The following AKT3 variants were observed in gnomAD, a reference collection of about 807,000 sequenced individuals.
The protein encoded by AKT3 is RAC-gamma serine/threonine-protein kinase.
A neutral mutation model predicts 65.3 loss-of-function variants in AKT3; 15 were observed. The observed-to-expected ratio is 0.23, with a 90% confidence interval of 0.15 to 0.35. AKT3 has a LOEUF of 0.35. AKT3 is among the 10% of genes least tolerant of loss of function. The pLI, the probability that AKT3 is intolerant of heterozygous loss-of-function variation, is 1.00. For synonymous variants in AKT3, 206 were observed against 183.8 expected, an observed-to-expected ratio of 1.12 and a Z score of -0.98; for missense variants, 243 against 576.5, an observed-to-expected ratio of 0.42 and a Z score of 5.92.
At chr1:243,727,570 T>C (rs951858326) in intron 2 of AKT3, among the ~76,000 whole-genome samples, 1 of 152,156 alleles carries the variant, frequency 6.6e-6, no homozygotes, top group Admixed American at 6.5e-5. Context: ...TGTCAGCCAC[T>C]GCTCCCAGCC....
In AKT3 at chr1:243,578,566, A is replaced by G. The variant is rs577432820; in HGVS notation, c.697-5518T>C. On this transcript the variant is annotated intron_variant, in intron 8 of 13. Transcript: ENST00000673466. ...CAAGGGAGGGAGATCATCAGGAAAA[A>G]TGGCTAATGCATGCTGAGCTTAATA... is the stretch of plus-strand genomic sequence containing the variant. Among the ~76,000 whole-genome samples, 51 of 152,290 alleles carry G rather than the reference A, an allele frequency of 3.3e-4. 1 individual carries two copies. The highest frequency in any genetic ancestry group is 1.1e-3 in the African/African-American group (47 of 41,558).
intron 8 of AKT3, among the ~76,000 whole-genome samples, chr1:243,598,680 G>A (rs530170875): frequency 6.6e-6 from 1 of 152,236 alleles, no homozygotes; most frequent in South Asian, 2.1e-4. Context: ...CAGAGCACAG[G>A]AAGTTCCTTC....
intron 2 of AKT3, among the ~76,000 whole-genome samples, chr1:243,780,043 A>G (rs1032411878): frequency 3.9e-5 from 6 of 152,168 alleles, no homozygotes; most frequent in Non-Finnish European, 7.4e-5. Context: ...ACCATAAATC[A>G]TTAATAATGT....
Position 243,815,019 on chromosome 1 carries a change from G to A in AKT3, c.46+28106C>T, listed in dbSNP as rs573372344. Among the ~76,000 whole-genome samples, 25 of 152,262 alleles carry A rather than the reference G, an allele frequency of 1.6e-4. No homozygotes were observed. In the South Asian group the frequency reaches 5.0e-3, roughly 30 times the overall value. ...ACCTGGATATTTCTAAGGTCTTAAA[G>A]GACATTAAAGTCACATCTTCAGCTT... On this transcript the variant is annotated intron_variant, in intron 2 of 13. Coordinates refer to ENST00000673466, the MANE Select transcript of AKT3 (RefSeq NM_005465.7).
intron 2 of AKT3, among the ~76,000 whole-genome samples, chr1:243,764,116 TTAAAAA>T (rs1689663805): frequency 6.6e-6 from 1 of 152,088 alleles, no homozygotes; most frequent in Non-Finnish European, 1.5e-5. Context: ...ATTCCAAACT[TTAAAAA>T]TAAAAACATC....
At chr1:243,645,616 A>C (rs893538761) in intron 5 of AKT3, among the ~76,000 whole-genome samples, 2 of 152,224 alleles carry the variant, frequency 1.3e-5, no homozygotes, top group African/African-American at 4.8e-5. Context: ...TATTAAAAAT[A>C]ATAAGGAAAA....
chr1:243,712,077 T>TA (rs1436268290), intron 2 of AKT3, among the ~76,000 whole-genome samples: 2 of 152,152 alleles, frequency 1.3e-5, no homozygotes, highest in Non-Finnish European at 2.9e-5. Context: ...ACCTTCTACT[T>TA]AAAAAATGGC....
chr1:243,808,374 G>C (rs185962223), intron 2 of AKT3: 1 of 152,148 alleles, frequency 6.6e-6, no homozygotes, highest in African/African-American at 2.4e-5. Context: ...CGAGAACTAC[G>C]TGACGAATGC....
intron 2 of AKT3, among the ~76,000 whole-genome samples, chr1:243,765,844 A>G (rs1477870051): frequency 6.6e-6 from 1 of 152,192 alleles, no homozygotes; most frequent in Non-Finnish European, 1.5e-5. Context: ...AGGAACAGCC[A>G]AAAATACCCT....
intron 3 of AKT3, among the ~76,000 whole-genome samples, chr1:243,679,179 A>G (rs1683742852): frequency 6.6e-6 from 1 of 152,218 alleles, no homozygotes; most frequent in Non-Finnish European, 1.5e-5. Flanking sequence ...CATGTAATAC[A>G]CAAAATATGT....
intron 1 of AKT3, among the ~76,000 whole-genome samples, chr1:243,849,178 A>C (rs556609174): frequency 2.0e-4 from 31 of 152,296 alleles, no homozygotes; most frequent in African/African-American, 7.5e-4. Flanking sequence ...ATGCGGACCG[A>C]TGCGCCGGAG....
At chr1:243,681,873 A>G (rs1257664955) in intron 3 of AKT3, among the ~76,000 whole-genome samples, 6 of 152,066 alleles carry the variant, frequency 3.9e-5, no homozygotes, top group Admixed American at 3.9e-4. Flanking sequence ...TGATGACAAA[A>G]TGCAATTACA....
chr1:243,618,316 A>G (rs1238573076), intron 6 of AKT3, among the ~76,000 whole-genome samples: 1 of 152,170 alleles, frequency 6.6e-6, no homozygotes, highest in African/African-American at 2.4e-5. Context: ...CATATTTTAC[A>G]GCTGATCAGA....
chr1:243,533,287 A>C (rs1357028651), intron 12 of AKT3, among the ~76,000 whole-genome samples: 1 of 152,246 alleles, frequency 6.6e-6, no homozygotes, highest in Non-Finnish European at 1.5e-5. Context: ...ATAGAACTAT[A>C]AACAGAAATA....
chr1:243,829,473 A>G lies in AKT3; in HGVS notation c.46+13652T>C, dbSNP rs1212565962. On this transcript the variant is annotated intron_variant, in intron 2 of 13. Transcript: ENST00000673466. ...ACATTAAAAGGTATATTCAAACTAG[A>G]AAAATATTCACAACAAAAAAGATTA... is the stretch of plus-strand genomic sequence containing the variant. Among the ~76,000 whole-genome samples the G allele has an allele frequency of 3.9e-5, 6 of 152,172 alleles. No homozygotes were observed. The East Asian group carries it at 1.2e-3, about 29-fold the overall frequency.
chr1:243,734,070 A>G (rs1466113844), intron 2 of AKT3, among the ~76,000 whole-genome samples: 1 of 152,184 alleles, frequency 6.6e-6, no homozygotes, highest in South Asian at 2.1e-4. Context: ...CTTAAATCCA[A>G]TCCAATGATA....
chr1:243,825,565 A>G (rs908193677), intron 2 of AKT3, among the ~76,000 whole-genome samples: 1 of 152,214 alleles, frequency 6.6e-6, no homozygotes, highest in African/African-American at 2.4e-5. Flanking sequence ...TGTAATTTGG[A>G]TATTTTTGGC....
At chr1:243,636,845 G>A (rs919918505) in intron 6 of AKT3, among the ~76,000 whole-genome samples, 1 of 152,138 alleles carries the variant, frequency 6.6e-6, no homozygotes, top group Non-Finnish European at 1.5e-5. Flanking sequence ...TTGTAAAGGA[G>A]TTGAGGTCAA....
chr1:243,673,973 T>C (rs1423939550), intron 3 of AKT3, among the ~76,000 whole-genome samples: 1 of 152,192 alleles, frequency 6.6e-6, no homozygotes, highest in East Asian at 1.9e-4. Context: ...GATAACAAAA[T>C]TTTTAAACAA....
Sources: gnomAD v4.1 joint callset for allele counts (sites outside exome capture counted in the v4.1 genomes callset) on GRCh38, gnomAD v4.1.1 for gene constraint, MANE v1.5 for transcripts, NCBI Gene and HGNC (gene_info 2026-07-23, HGNC 2026-07-21) for gene names.